ZFAT: variants seen among roughly 807,000 people sequenced by gnomAD.
ZFAT encodes the protein zinc finger protein ZFAT.
ZFAT carries 64 observed loss-of-function variants against 117.7 expected under a neutral mutation model. The observed-to-expected ratio is 0.54, with a 90% CI of 0.44 to 0.67. The LOEUF is 0.67. ZFAT is among the 30% of genes least tolerant of loss of function. The probability of loss-of-function intolerance (pLI) is 0.00; values close to 1 mark genes in which losing one functional copy is unlikely to be tolerated. For synonymous variants in ZFAT, 679 were observed against 615.0 expected (o/e 1.10, Z -1.54); for missense variants, 1,433 against 1,584.5 (o/e 0.90, Z 1.62).
upstream of ZFAT, among the ~76,000 whole-genome samples, chr8:134,713,847 A>G (rs1001136606): frequency 6.6e-5 from 10 of 151,568 alleles, no homozygotes; most frequent in African/African-American, 2.4e-4. Context: ...CATATTTTCT[A>G]CGTAGCATCC....
chr8:134,517,618 T>C (rs893633369), intron 13 of ZFAT, among the ~76,000 whole-genome samples: 1 of 152,202 alleles, frequency 6.6e-6, no homozygotes, highest in Non-Finnish European at 1.5e-5. Context: ...TTTCTCCAGA[T>C]TCCTCCGGTT....
chr8:134,649,708 G>T (rs997259506), intron 2 of ZFAT, among the ~76,000 whole-genome samples: 1 of 152,130 alleles, frequency 6.6e-6, no homozygotes, highest in African/African-American at 2.4e-5. Context: ...CATTAAACAA[G>T]ACCTAAATTT....
intron 9 of ZFAT, among the ~76,000 whole-genome samples, chr8:134,584,882 A>G (rs1292672570): frequency 6.6e-6 from 1 of 152,212 alleles, no homozygotes; most frequent in African/African-American, 2.4e-5. Flanking sequence ...CCCATTATCT[A>G]CACTACCTAT....
At chr8:134,526,287 C>T (rs970804029) in intron 12 of ZFAT, among the ~76,000 whole-genome samples, 2 of 152,136 alleles carry the variant, frequency 1.3e-5, no homozygotes, top group African/African-American at 4.8e-5. Flanking sequence ...GCCACAGTGA[C>T]TTTAATTAAA....
chr8:134,498,076 G>T (rs76921399), intron 15 of ZFAT, among the ~76,000 whole-genome samples: 2,180 of 29,590 alleles, frequency 0.074, 346 homozygotes, highest in East Asian at 0.57. Context: ...AGCCTGATTT[G>T]GGAGGGTTGT....
intron 11 of ZFAT, among the ~76,000 whole-genome samples, chr8:134,558,465 A>G (rs1413135430): frequency 1.3e-5 from 2 of 152,252 alleles, no homozygotes; most frequent in African/African-American, 4.8e-5. Flanking sequence ...ACTAATTAGT[A>G]AGCAGCAGCA....
At chr8:134,740,801 G>C in the ZFAT span, among the ~76,000 whole-genome samples, 1 of 152,218 alleles carries the variant, frequency 6.6e-6, no homozygotes, top group African/African-American at 2.4e-5. Context: ...CATTACTCTG[G>C]TACAGCCAAC....
intron 1 of ZFAT, among the ~76,000 whole-genome samples, chr8:134,669,673 G>A (rs1411701684): frequency 6.6e-6 from 1 of 152,158 alleles, no homozygotes; most frequent in Non-Finnish European, 1.5e-5. Context: ...GACCATCGCT[G>A]CTAGGAAGAA....
At chr8:134,556,777 C>A (rs113338898) in intron 11 of ZFAT, among the ~76,000 whole-genome samples, 3 of 151,998 alleles carry the variant, frequency 2.0e-5, no homozygotes, top group African/African-American at 7.2e-5. Context: ...TACCAGCACA[C>A]AAGAAATGCT....
chr8:134,738,804 G>A, the ZFAT span, among the ~76,000 whole-genome samples: 1 of 152,184 alleles, frequency 6.6e-6, no homozygotes, highest in African/African-American at 2.4e-5. Context: ...AAGGCCCAGG[G>A]GGAGAGCCAA....
chr8:134,590,751 C>T (rs1826435388), intron 7 of ZFAT, among the ~76,000 whole-genome samples: 1 of 150,420 alleles, frequency 6.6e-6, no homozygotes, highest in Admixed American at 6.6e-5. Flanking sequence ...ACCACCAGCA[C>T]TATCAACAGT....
At position 134,602,541 on chromosome 8, in the gene ZFAT, A is replaced by T. The variant is rs201752594; in HGVS notation, c.1178T>A (p.Leu393Gln). 1.9e-6 allele frequency: 3 copies of T among 1,614,006 alleles called. No individual in the cohort carries two copies. Among genetic ancestry groups the T allele is most frequent in the Non-Finnish European group, 2.5e-6 (3 of 1,180,026 alleles). ...KVKEALDELC[L>Q]MTREGKRQLL... ...CTGCCGCTTGCCCTCCCTCGTCATC[A>T]GGCAGAGCTCGTCCAAGGCCTCTTT... Residue 393 changes from leucine to glutamine, a missense_variant, in exon 6 of 16, where the codon CTG becomes CAG. Around this residue, in one of 5 missense-constraint regions of ZFAT, gnomAD observed 73 missense variants for 122.0 expected, o/e 0.60. Coordinates refer to ENST00000377838, the MANE Select transcript of ZFAT (RefSeq NM_020863.4).
intron 1 of ZFAT, among the ~76,000 whole-genome samples, chr8:134,674,520 G>A (rs1227078221): frequency 2.0e-5 from 3 of 152,200 alleles, no homozygotes; most frequent in Non-Finnish European, 4.4e-5. Context: ...CAGCTCCCTG[G>A]GACGGAGCAC....
chr8:134,709,924 T>C lies in ZFAT; in HGVS notation c.19+2921A>G, dbSNP rs1256971399. Among the ~76,000 whole-genome samples, 4 of 152,288 alleles carry C rather than the reference T, an allele frequency of 2.6e-5. No homozygotes were observed. In the Middle Eastern group the frequency reaches 0.014, roughly 518 times the overall value. On this transcript the variant is annotated intron_variant, in intron 1 of 15. Transcript: ENST00000377838. ...CTACAGCTGTGCCCTGTAGACCACA[T>C]GCAACTCCACCTCCTTATCATTCAT...
intron 3 of ZFAT, among the ~76,000 whole-genome samples, chr8:134,613,158 G>A (rs4909532): frequency 0.42 from 63,251 of 151,906 alleles, 13,583 homozygotes; most frequent in Admixed American, 0.55. Context: ...TTCACCATGG[G>A]ATACAATTCA....
At chr8:134,651,050 G>A (rs1831204968) in intron 2 of ZFAT, among the ~76,000 whole-genome samples, 2 of 152,228 alleles carry the variant, frequency 1.3e-5, no homozygotes, top group Admixed American at 6.5e-5. Context: ...ACGATGTGGA[G>A]AAATTGGATC....
chr8:134,498,037 G>A (rs557278761), intron 15 of ZFAT, among the ~76,000 whole-genome samples: 7 of 124,730 alleles, frequency 5.6e-5, no homozygotes, highest in African/African-American at 1.9e-4. Context: ...GGGTGGAGCC[G>A]TGATGCCCCT....
the ZFAT span, among the ~76,000 whole-genome samples, chr8:134,750,426 T>C: frequency 4.6e-5 from 7 of 152,154 alleles, no homozygotes; most frequent in Non-Finnish European, 1.0e-4. Context: ...TTACAACTCT[T>C]GTGCCTTATA....
At chr8:134,747,228 A>T in the ZFAT span, among the ~76,000 whole-genome samples, 1 of 152,162 alleles carries the variant, frequency 6.6e-6, no homozygotes, top group Non-Finnish European at 1.5e-5. Context: ...AGCTAGAACC[A>T]CAGGCACATG....
Sources: allele counts gnomAD v4.1 joint callset (sites outside exome capture counted in the v4.1 genomes callset), GRCh38; gene constraint gnomAD v4.1.1; regional missense constraint gnomAD v4.1.1; transcripts MANE v1.5; gene names NCBI Gene and HGNC (gene_info 2026-07-23, HGNC 2026-07-21).